The following DCC variants were observed in gnomAD, a reference collection of about 807,000 sequenced individuals.
DCC encodes the protein DCC netrin 1 receptor, also known as netrin receptor DCC.
Under a neutral mutation model 172.5 loss-of-function variants are expected in DCC, and 58 were observed. The observed-to-expected ratio is 0.34, with a 90% CI of 0.27 to 0.42. The LOEUF (loss-of-function observed/expected upper bound fraction) is 0.42. Ranked by LOEUF, DCC falls within the 10% of genes least tolerant of loss-of-function variation. The pLI, the probability that DCC is intolerant of heterozygous loss-of-function variation, is 1.00. For missense variants in DCC, 1,740 were observed against 1,791.0 expected (o/e 0.97, Z 0.51); for synonymous variants, 709 against 644.5 (o/e 1.10, Z -1.52).
intron 2 of DCC, among the ~76,000 whole-genome samples, chr18:52,779,230 G>A (rs951976191): frequency 9.2e-5 from 14 of 151,974 alleles, no homozygotes; most frequent in African/African-American, 3.1e-4. Flanking sequence ...AGGTACACAC[G>A]TGCCATGGTG....
intron 1 of DCC, among the ~76,000 whole-genome samples, chr18:52,470,435 T>C (rs1338800184): frequency 1.3e-5 from 2 of 152,180 alleles, no homozygotes; most frequent in East Asian, 3.9e-4. Context: ...ATATCCTAGA[T>C]TATTCTGTGT....
intron 27 of DCC, among the ~76,000 whole-genome samples, chr18:53,521,799 AAAAT>A (rs1463250667): frequency 2.6e-5 from 4 of 152,166 alleles, no homozygotes; most frequent in Non-Finnish European, 5.9e-5. Flanking sequence ...AATTTAAAAT[AAAAT>A]AAATAGGTTT....
chr18:52,916,470 A>G (rs1326961957), intron 3 of DCC, among the ~76,000 whole-genome samples: 1 of 152,234 alleles, frequency 6.6e-6, no homozygotes, highest in African/African-American at 2.4e-5. Flanking sequence ...TGGTGGTGAG[A>G]GTAGCAAATG....
chr18:52,936,204 C>T lies in DCC; in HGVS notation c.985+10834C>T, dbSNP rs1729066366. Among the ~76,000 whole-genome samples the T allele has an allele frequency of 1.6e-5, 2 of 125,812 alleles. 1 individual carries two copies. Among genetic ancestry groups the T allele is most frequent in the South Asian group, 4.4e-4 (2 of 4,552 alleles). 82.5% of individuals were successfully genotyped at this position (125,812 alleles called of 152,430 possible). Reference sequence around the variant, plus strand: ...TACTTATCTTAGTTATTTTCCTCAGCTGAAACTCTGGTTGTCAAAAGGTAT... The same window carrying T: ...TACTTATCTTAGTTATTTTCCTCAGTTGAAACTCTGGTTGTCAAAAGGTAT... On this transcript the variant is annotated intron_variant, in intron 5 of 28. Transcript: ENST00000442544.
intron 1 of DCC, among the ~76,000 whole-genome samples, chr18:52,546,128 A>T (rs1474379737): frequency 1.3e-5 from 2 of 152,092 alleles, no homozygotes; most frequent in Non-Finnish European, 2.9e-5. Context: ...GTGTCTTCCT[A>T]AATGTATATA....
chr18:53,177,315 A>C (rs959784479), intron 8 of DCC, among the ~76,000 whole-genome samples: 2 of 152,110 alleles, frequency 1.3e-5, no homozygotes, highest in African/African-American at 4.8e-5. Context: ...ATGTACCCTA[A>C]AACTTAAAGT....
At chr18:53,367,353 C>T (rs781645304) in intron 15 of DCC, among the ~76,000 whole-genome samples, 1 of 152,024 alleles carries the variant, frequency 6.6e-6, no homozygotes, top group Non-Finnish European at 1.5e-5. Flanking sequence ...AATAAGAGTG[C>T]TCTCCTTAGG....
At chr18:52,362,675 A>T (rs1488086495) in intron 1 of DCC, among the ~76,000 whole-genome samples, 1 of 152,186 alleles carries the variant, frequency 6.6e-6, no homozygotes, top group East Asian at 1.9e-4. Flanking sequence ...TTAAAAAAAT[A>T]GAACTTTGGA....
At chr18:53,298,316 C>A (rs1456137225) in intron 12 of DCC, among the ~76,000 whole-genome samples, 1 of 151,694 alleles carries the variant, frequency 6.6e-6, no homozygotes, top group Admixed American at 6.6e-5. Flanking sequence ...CGGGTGGATC[C>A]TTTGAGCCTA....
At chr18:52,663,659 T>C (rs1356339766) in intron 1 of DCC, among the ~76,000 whole-genome samples, 5 of 152,334 alleles carry the variant, frequency 3.3e-5, no homozygotes, top group South Asian at 2.1e-4. Context: ...ATATATTATA[T>C]ATAAATGCTA....
chr18:52,653,665 A>G (rs936130489), intron 1 of DCC, among the ~76,000 whole-genome samples: 1 of 152,182 alleles, frequency 6.6e-6, no homozygotes, highest in Admixed American at 6.5e-5. Flanking sequence ...GTAGGAAAGA[A>G]CATTCCAAAC....
At position 52,700,196 on chromosome 18, in the gene DCC, G is replaced by A. The variant is rs566914789; in HGVS notation, c.92-51858G>A. Among the ~76,000 whole-genome samples, 38 of 112,478 alleles carry A rather than the reference G, an allele frequency of 3.4e-4. No individual in the cohort carries two copies. In the South Asian group the frequency reaches 5.9e-3, roughly 17 times the overall value. 73.8% of individuals were successfully genotyped at this position (112,478 alleles called of 152,430 possible). A position where few individuals can be genotyped will look rare whatever the true frequency, so the allele number is the denominator to read the frequency against. ...CACACACATGCACACGCACACACAC[G>A]CACATACACACATGCACATGTGCAC... On this transcript the variant is annotated intron_variant, in intron 1 of 28. Coordinates refer to ENST00000442544, the MANE Select transcript of DCC (RefSeq NM_005215.4).
chr18:53,503,410 T>A (rs2046128981), intron 27 of DCC, among the ~76,000 whole-genome samples: 1 of 152,176 alleles, frequency 6.6e-6, no homozygotes, highest in Non-Finnish European at 1.5e-5. Flanking sequence ...AGTGCTTCCA[T>A]TTTTTAATGC....
At chr18:53,162,135 C>G (rs950255816) in intron 8 of DCC, among the ~76,000 whole-genome samples, 1 of 152,126 alleles carries the variant, frequency 6.6e-6, no homozygotes, top group African/African-American at 2.4e-5. Context: ...CCCGTTTCCA[C>G]TAAACATACA....
At chr18:52,876,860 A>G (rs2039411107) in intron 2 of DCC, among the ~76,000 whole-genome samples, 2 of 152,130 alleles carry the variant, frequency 1.3e-5, no homozygotes, top group African/African-American at 4.8e-5. Context: ...GCTCCCTAAA[A>G]TAACCACCTG....
chr18:53,468,449 C>G (rs1350254532), intron 25 of DCC, among the ~76,000 whole-genome samples: 2 of 151,186 alleles, frequency 1.3e-5, no homozygotes, highest in Non-Finnish European at 2.9e-5. Flanking sequence ...GTGGCACAAT[C>G]TTGGCTCACT....
chr18:52,788,689 TG>T (rs2037706375), intron 2 of DCC, among the ~76,000 whole-genome samples: 1 of 152,220 alleles, frequency 6.6e-6, no homozygotes, highest in Admixed American at 6.5e-5. Flanking sequence ...ATTTTTCATT[TG>T]CCAGTTTCTT....
intron 12 of DCC, among the ~76,000 whole-genome samples, chr18:53,286,168 T>G (rs562324613): frequency 6.6e-6 from 1 of 152,278 alleles, no homozygotes; most frequent in South Asian, 2.1e-4. Context: ...TTTTGAAATG[T>G]GAGAACATGA....
chr18:52,642,090 A>ATACACC (rs2034917602), intron 1 of DCC, among the ~76,000 whole-genome samples: 1 of 139,830 alleles, frequency 7.2e-6, no homozygotes, highest in Admixed American at 7.5e-5. Flanking sequence ...ACACACACAC[A>ATACACC]CACACACTCA....
Sources: allele counts gnomAD v4.1 joint callset (sites outside exome capture counted in the v4.1 genomes callset), GRCh38; gene constraint gnomAD v4.1.1; transcripts MANE v1.5; gene names NCBI Gene and HGNC (gene_info 2026-07-23, HGNC 2026-07-21).